Variants in ABCC2 observed in about 807,000 individuals in gnomAD.
ABCC2 encodes the protein ATP-binding cassette sub-family C member 2.
ABCC2 carries 157 observed loss-of-function variants against 173.4 expected under a neutral mutation model. The observed-to-expected ratio is 0.91, with a 90% CI of 0.80 to 1.03. The LOEUF (loss-of-function observed/expected upper bound fraction) is 1.03. Among genes scored for constraint, ABCC2 ranks in the 50% least tolerant of loss-of-function variants. The pLI, the probability that ABCC2 is intolerant of heterozygous loss-of-function variation, is 0.00. For synonymous variants in ABCC2, 657 were observed against 693.5 expected (o/e 0.95, Z 0.83); for missense variants, 1,822 against 1,852.3 (o/e 0.98, Z 0.30).
chr10:99,833,060 T>C (rs1437713985), intron 23 of ABCC2, among the ~76,000 whole-genome samples: 1 of 152,218 alleles, frequency 6.6e-6, no homozygotes, highest in African/African-American at 2.4e-5. Flanking sequence ...GGACTCTTGT[T>C]TGTTGGTCTT....
intron 7 of ABCC2, chr10:99,797,645 A>G: frequency 8.4e-6 from 3 of 356,208 alleles, no homozygotes; most frequent in South Asian, 8.0e-5. Flanking sequence ...TTGTTGATTC[A>G]TTCACTTGAA....
intron 15 of ABCC2, among the ~76,000 whole-genome samples, chr10:99,812,309 C>A (rs1277990348): frequency 6.6e-6 from 1 of 152,198 alleles, no homozygotes; most frequent in Non-Finnish European, 1.5e-5. Flanking sequence ...GGAAACTGGG[C>A]AGGGCTTCCA....
chr10:99,793,450 C>T, intron 3 of ABCC2, 101 bp from the exon 4 acceptor site: 1 of 1,543,664 alleles, frequency 6.5e-7, no homozygotes, highest in Non-Finnish European at 8.9e-7. Context: ...ACAGTCTCCT[C>T]CCTCAGCCCT....
chr10:99,822,278 T>TTG (rs2038552339), intron 19 of ABCC2, among the ~76,000 whole-genome samples: 1 of 152,052 alleles, frequency 6.6e-6, no homozygotes, highest in Non-Finnish European at 1.5e-5. Flanking sequence ...TGTGTCACCT[T>TTG]TGTGTTCTCT....
intron 30 of ABCC2, 24 bp from the exon 31 acceptor site, chr10:99,850,578 C>T: frequency 6.2e-7 from 1 of 1,612,816 alleles, no homozygotes; most frequent in Non-Finnish European, 8.5e-7. Flanking sequence ...GGAGCTAACA[C>T]ATGGTTGCTT....
chr10:99,809,420 T>C (rs1172619830), intron 13 of ABCC2, among the ~76,000 whole-genome samples: 1 of 152,170 alleles, frequency 6.6e-6, no homozygotes, highest in East Asian at 1.9e-4. Context: ...TGGGGTACTC[T>C]GTTTTTGAGG....
rs546408443 is a variant in ABCC2, at chr10:99,814,807, G to GTA, written c.2094+1673_2094+1674dup. 2.9e-4 allele frequency among the ~76,000 whole-genome samples: 41 copies of GTA among 143,738 alleles called. 2 individuals carry two copies. The South Asian group carries it at 8.5e-3, about 30-fold the overall frequency. 94.3% of individuals were successfully genotyped at this position (143,738 alleles called of 152,430 possible). On this transcript the variant is annotated intron_variant, in intron 16 of 31. Transcript: ENST00000647814. Reference sequence around the variant, plus strand: ...TATACACACACACATATGTGTGTGTGTATATATATATTTTGAGACAGAGTC... The same window carrying GTA: ...TATACACACACACATATGTGTGTGTGTATATATATATATTTTGAGACAGAGTC...
At chr10:99,814,363 A>C (rs541216429) in intron 16 of ABCC2, among the ~76,000 whole-genome samples, 2 of 96,458 alleles carry the variant, frequency 2.1e-5, no homozygotes, top group African/African-American at 3.6e-5. Flanking sequence ...ATGTATACAC[A>C]CATGTATATA....
chr10:99,842,118 G>T (rs1431466342), intron 26 of ABCC2, 25 bp downstream of exon 26: 1 of 1,613,974 alleles, frequency 6.2e-7, no homozygotes, highest in Admixed American at 1.7e-5. Flanking sequence ...TGGGAGTTTG[G>T]TTTCGTTAGT....
intron 16 of ABCC2, among the ~76,000 whole-genome samples, chr10:99,815,948 T>C (rs2038400151): frequency 6.6e-6 from 1 of 152,188 alleles, no homozygotes; most frequent in South Asian, 2.1e-4. Context: ...CAGGCCTTTG[T>C]TGGTCTCCAT....
chr10:99,798,295 G>A (rs1301343276), intron 7 of ABCC2, among the ~76,000 whole-genome samples: 4 of 152,138 alleles, frequency 2.6e-5, no homozygotes, highest in Admixed American at 2.6e-4. Flanking sequence ...AAGACATTGT[G>A]AGAGAGTATC....
chr10:99,795,060 A>C (rs2037875993), intron 6 of ABCC2, among the ~76,000 whole-genome samples: 1 of 152,148 alleles, frequency 6.6e-6, no homozygotes, highest in Admixed American at 6.5e-5. Flanking sequence ...ATTTGGAGGC[A>C]GGTTTGGAGG....
chr10:99,836,655 C>T (rs957130382), intron 25 of ABCC2, among the ~76,000 whole-genome samples: 2 of 152,182 alleles, frequency 1.3e-5, no homozygotes, highest in South Asian at 4.1e-4. Flanking sequence ...GCTGGGTGAA[C>T]TGAACATCCT....
intron 13 of ABCC2, 137 bp downstream of exon 13, chr10:99,808,366 C>G: frequency 8.4e-7 from 1 of 1,196,902 alleles, no homozygotes; most frequent in Non-Finnish European, 1.2e-6. Flanking sequence ...CTCTGGAGAC[C>G]AATGGTTTGA....
At chr10:99,792,512 A>C (rs1241520221) in intron 3 of ABCC2, among the ~76,000 whole-genome samples, 153 bp downstream of exon 3, 1 of 152,132 alleles carries the variant, frequency 6.6e-6, no homozygotes, top group Non-Finnish European at 1.5e-5. Flanking sequence ...ATGGGGTGAA[A>C]CAAATTTTAG....
intron 30 of ABCC2, among the ~76,000 whole-genome samples, chr10:99,847,665 A>G (rs536021393): frequency 3.3e-5 from 5 of 149,394 alleles, no homozygotes; most frequent in African/African-American, 9.9e-5. Flanking sequence ...TCACGCCTGT[A>G]ATCCCAGCAC....
chr10:99,809,285 G>A lies in ABCC2; in HGVS notation c.1816-849G>A, dbSNP rs2038168654. Among the ~76,000 whole-genome samples the A allele has an allele frequency of 2.0e-5, 3 of 152,256 alleles. No individual in the cohort carries two copies. The South Asian group carries it at 6.2e-4, about 32-fold the overall frequency. On this transcript the variant is annotated intron_variant, in intron 13 of 31. Transcript: ENST00000647814. ...CGAGAATCACTTGAACCTGGGAGGT[G>A]GAGGTTGCAGTGAGCCAAGATTGCA...
chr10:99,840,807 G>A (rs1341766061), intron 25 of ABCC2, among the ~76,000 whole-genome samples: 3 of 116,114 alleles, frequency 2.6e-5, no homozygotes. Context: ...GAGCCACTGC[G>A]CCCAGCCACC....
intron 30 of ABCC2, 124 bp from the exon 31 acceptor site, chr10:99,850,478 A>T: frequency 1.0e-6 from 1 of 985,404 alleles, no homozygotes; most frequent in Non-Finnish European, 1.6e-6. Flanking sequence ...AGGCCCAAAC[A>T]TTCCAGGGGA....
Sources: allele counts gnomAD v4.1 joint callset (sites outside exome capture counted in the v4.1 genomes callset), GRCh38; gene constraint gnomAD v4.1.1; transcripts MANE v1.5; gene names NCBI Gene and HGNC (gene_info 2026-07-23, HGNC 2026-07-21).